Variants in HDLBP observed in about 807,000 individuals in gnomAD.
HDLBP encodes vigilin.
Under a neutral mutation model 137.3 loss-of-function variants are expected in HDLBP, and 30 were observed. The observed-to-expected ratio is 0.22, with a 90% CI of 0.16 to 0.30. The LOEUF (loss-of-function observed/expected upper bound fraction) is 0.30. Ranked by LOEUF, HDLBP falls within the 10% of genes least tolerant of loss-of-function variation. The pLI, the probability that HDLBP is intolerant of heterozygous loss-of-function variation, is 1.00. For missense variants in HDLBP, 1,119 were observed against 1,667.3 expected, an observed-to-expected ratio of 0.67 and a Z score of 5.73; for synonymous variants, 606 against 596.0, an observed-to-expected ratio of 1.02 and a Z score of -0.24.
In HDLBP at chr2:241,240,236, T is replaced by C. The variant is rs1009225346; in HGVS notation, c.2170-114A>G. On this transcript the variant is annotated intron_variant, in intron 17 of 27. Coordinates refer to ENST00000310931, the MANE Select transcript of HDLBP (RefSeq NM_005336.6). The surrounding 1 kb of genome is among the most constrained non-coding windows in gnomAD (Gnocchi z 5.5). ...CGGGCTCCCCTTACATTGTCACCAGTGTCCTGATGTTGCACCAATACCCCC... is the reference window on the plus strand; with the variant it reads ...CGGGCTCCCCTTACATTGTCACCAGCGTCCTGATGTTGCACCAATACCCCC... 12 of 994,758 alleles carry C rather than the reference T, an allele frequency of 1.2e-5. No homozygotes were observed. Among genetic ancestry groups the C allele is most frequent in the Admixed American group, 1.8e-5 (1 of 56,050 alleles). The allele number at this position is 994,758 out of a possible 1,614,324, so 61.6% of individuals were successfully genotyped here.
Position 241,272,935 on chromosome 2 carries a change from G to A in HDLBP, c.-102-4394C>T, listed in dbSNP as rs1461844731. 7 of 847,618 alleles carry A rather than the reference G, an allele frequency of 8.3e-6. No individual in the cohort carries two copies. The Admixed American group carries it at 1.9e-4, about 23-fold the overall frequency. 52.5% of individuals were successfully genotyped at this position (847,618 alleles called of 1,614,324 possible). ...CCGCCGCTGGGGTCCCCGCCGCCCC[G>A]GGCCGCCCAGCACCCGGGAGGCCCA... On this transcript the variant is annotated intron_variant, in intron 1 of 27. Transcript: ENST00000310931. This position sits in a 1 kb window ranked among gnomAD's most constrained non-coding sequence, Gnocchi z 5.6.
At position 241,315,552 on chromosome 2, in the gene HDLBP, G is replaced by A. The variant is rs538678278; in HGVS notation, c.-103+18C>T. The A allele has an allele frequency of 1.6e-3, 239 of 152,682 alleles. No individual in the cohort carries two copies. The highest frequency in any genetic ancestry group is 2.7e-3 in the Non-Finnish European group (185 of 68,342). The allele number at this position is 152,682 out of a possible 1,614,324, so 9.5% of individuals were successfully genotyped here. On this transcript the variant is annotated intron_variant, in intron 1 of 27. Transcript: ENST00000310931. ...CCCCCACTCCAGTTACCCACCGCAA[G>A]GCGAAGATTCTCATTACCTGTTCCA...
chr2:241,302,165 A>G (rs1450323994), intron 1 of HDLBP, among the ~76,000 whole-genome samples: 3 of 152,118 alleles, frequency 2.0e-5, no homozygotes, highest in Non-Finnish European at 4.4e-5. Flanking sequence ...GGCGGAGGCA[A>G]AAGGATCATT....
At chr2:241,277,033 T>G (rs893669319) in intron 1 of HDLBP, among the ~76,000 whole-genome samples, 1 of 150,844 alleles carries the variant, frequency 6.6e-6, no homozygotes, top group East Asian at 1.9e-4. Flanking sequence ...TAAATCATAG[T>G]AACATTCTCA....
Position 241,229,890 on chromosome 2 carries a change from T to C in HDLBP, c.3663A>G (p.Ala1221=), listed in dbSNP as rs1574821968. 1 of 1,590,954 alleles carries C rather than the reference T, an allele frequency of 6.3e-7. No homozygotes were observed. The highest frequency in any genetic ancestry group is 8.6e-7 in the Non-Finnish European group (1 of 1,168,710). Residue 1221 remains alanine, a synonymous_variant, in exon 27 of 28, where the codon GCA becomes GCG. Transcript: ENST00000310931. ...MKPPAHEEAK[A]PSRGFVVRDA... ...CCCGCACCACAAAGCCTCTGGAAGG[T>C]GCCTTGGCCTCTTCGTGTGCTGGGG...
rs749580078 is a variant in HDLBP at position 241,229,553 on chromosome 2, G to C, written c.*48C>G. The C allele has an allele frequency of 7.3e-7, 1 of 1,371,280 alleles. No individual in the cohort carries two copies. Among genetic ancestry groups the C allele is most frequent in the Non-Finnish European group, 1.0e-6 (1 of 963,900 alleles). The allele number at this position is 1,371,280 out of a possible 1,614,324, so 84.9% of individuals were successfully genotyped here. ...TCAGATTGAGACAAACCATTGTGTG[G>C]TTGGGTTTGGGTCAGCAGGCTGGAG... On this transcript the variant is annotated 3_prime_UTR_variant, in exon 28 of 28. Transcript: ENST00000310931.
intron 1 of HDLBP, among the ~76,000 whole-genome samples, chr2:241,303,429 T>G: frequency 6.6e-6 from 1 of 152,148 alleles, no homozygotes; most frequent in East Asian, 1.9e-4. Flanking sequence ...GGTGACATAT[T>G]ACAGAAAACA....
chr2:241,268,021 G>A, intron 2 of HDLBP: 1 of 944,880 alleles, frequency 1.1e-6, no homozygotes, highest in Non-Finnish European at 1.3e-6. Context: ...AGTTCCAGGT[G>A]AGCTCCAAAC....
intron 2 of HDLBP, chr2:241,267,932 T>G (rs2073802046): frequency 8.1e-6 from 8 of 985,422 alleles, no homozygotes; most frequent in Non-Finnish European, 9.6e-6. Flanking sequence ...ACAGCTCCCT[T>G]ATGTGAAAAA....
chr2:241,315,360 TACTCGGCGCCCCA>T (rs1370310815), intron 1 of HDLBP, 197 bp downstream of exon 1: 2 of 152,012 alleles, frequency 1.3e-5, no homozygotes, highest in Admixed American at 6.5e-5. Context: ...CGCCCAGTCG[TACTCGGCGCCCCA>T]GCTCGGTGCT....
intron 1 of HDLBP, among the ~76,000 whole-genome samples, chr2:241,304,196 G>A (rs563274748): frequency 6.6e-6 from 1 of 152,302 alleles, no homozygotes; most frequent in East Asian, 1.9e-4. Context: ...ATACGTATAT[G>A]GCACCTGCCA....
In HDLBP at chr2:241,235,215, A is replaced by T; in HGVS notation, c.3050T>A (p.Ile1017Asn). 1.9e-6 allele frequency: 3 copies of T among 1,614,186 alleles called. No individual in the cohort carries two copies. The highest frequency in any genetic ancestry group is 2.5e-6 in the Non-Finnish European group (3 of 1,180,036). Residue 1017 changes from isoleucine to asparagine, a missense_variant, in exon 23 of 28, where the codon ATC becomes AAC. Ile to Asn is a moderately radical substitution (Grantham distance 149). Transcript: ENST00000310931. ...HVPAPELQSD[I>N]IAITGLAANL... is the part of the protein sequence containing the mutation. ...TGCAGCGAGGCCCGTGATGGCGATG[A>T]TGTCAGACTGCAGCTCAGGTGCCGG...
At chr2:241,287,418 TTC>T (rs2074857899) in intron 1 of HDLBP, among the ~76,000 whole-genome samples, 2 of 141,638 alleles carry the variant, frequency 1.4e-5, no homozygotes, top group South Asian at 4.5e-4. Context: ...ATTTCTTTCT[TTC>T]TTTTTTTTTT....
Position 241,255,585 on chromosome 2 carries a change from A to G in HDLBP, c.874-5T>C, listed in dbSNP as rs201654805. The stretch of plus-strand genomic sequence containing the variant: ...AATGGTTGTAGTCTTCTTTTTCTAA[A>G]TAAGAGCACCATAAGGGGCAGTCAA... On this transcript the variant is annotated splice_polypyrimidine_tract_variant and splice_region_variant and intron_variant, in intron 7 of 27. Coordinates refer to ENST00000310931, the MANE Select transcript of HDLBP (RefSeq NM_005336.6). 6.2e-7 allele frequency: 1 copy of G among 1,611,326 alleles called. No individual in the cohort carries two copies. The highest frequency in any genetic ancestry group is 2.2e-5 in the East Asian group (1 of 44,858).
chr2:241,245,113 AATAAAT>A (rs1225613208), intron 16 of HDLBP, among the ~76,000 whole-genome samples: 1 of 152,216 alleles, frequency 6.6e-6, no homozygotes, highest in East Asian at 1.9e-4. Flanking sequence ...AAACATATGT[AATAAAT>A]ATAAATATGT....
intron 16 of HDLBP, 169 bp from the exon 17 acceptor site, chr2:241,242,847 G>A (rs765583171): frequency 7.1e-5 from 46 of 643,430 alleles, no homozygotes; most frequent in Admixed American, 2.2e-4. Context: ...TGACCTGCAC[G>A]GGGGAGGAGA....
rs1194587561 is a variant in HDLBP at position 241,240,257 on chromosome 2, C to A, written c.2170-135G>T. 2 of 809,386 alleles carry A rather than the reference C, an allele frequency of 2.5e-6. No individual in the cohort carries two copies. Among genetic ancestry groups the A allele is most frequent in the East Asian group, 2.5e-5 (1 of 39,296 alleles). 50.1% of individuals were successfully genotyped at this position (809,386 alleles called of 1,614,324 possible). The stretch of plus-strand genomic sequence containing the variant: ...CCAGTGTCCTGATGTTGCACCAATA[C>A]CCCCAAAATGGGGCTAGCACACCTC... On this transcript the variant is annotated intron_variant, in intron 17 of 27. Coordinates refer to ENST00000310931, the MANE Select transcript of HDLBP (RefSeq NM_005336.6). This position sits in a 1 kb window ranked among gnomAD's most constrained non-coding sequence, Gnocchi z 5.5.
intron 1 of HDLBP, among the ~76,000 whole-genome samples, chr2:241,276,321 G>C (rs2074384921): frequency 6.6e-6 from 1 of 152,118 alleles, no homozygotes; most frequent in Non-Finnish European, 1.5e-5. Flanking sequence ...CTAGATCTTG[G>C]ATTAGGTGGT....
chr2:241,294,102 G>C (rs774126833), intron 1 of HDLBP, among the ~76,000 whole-genome samples: 4 of 152,164 alleles, frequency 2.6e-5, no homozygotes, highest in Admixed American at 2.0e-4. Context: ...AATAAGAAGT[G>C]TTATAAATGG....
Sources: allele counts gnomAD v4.1 joint callset (sites outside exome capture counted in the v4.1 genomes callset), GRCh38; gene constraint gnomAD v4.1.1; non-coding constraint Gnocchi (gnomAD v3.1); transcripts MANE v1.5; gene names NCBI Gene and HGNC (gene_info 2026-07-23, HGNC 2026-07-21).